The following CRYBB2 variants were observed in gnomAD, a reference collection of about 807,000 sequenced individuals.
CRYBB2 encodes crystallin beta B2.
Under a neutral mutation model 24.3 loss-of-function variants are expected in CRYBB2, and 12 were observed. The observed-to-expected ratio is 0.49, with a 90% CI of 0.32 to 0.80. The LOEUF (loss-of-function observed/expected upper bound fraction) is 0.80, where lower values mean the gene tolerates loss of function less well. CRYBB2 is among the 30% of genes least tolerant of loss of function. The pLI is 0.04. For missense variants in CRYBB2, 198 were observed against 268.5 expected (o/e 0.74, Z 1.83); for synonymous variants, 98 against 101.6 (o/e 0.96, Z 0.21).
chr22:25,218,735 GGGAGAGA>G (rs1569015956), upstream of CRYBB2, among the ~76,000 whole-genome samples: 167 of 41,470 alleles, frequency 4.0e-3, 16 homozygotes, highest in African/African-American at 0.013. Flanking sequence ...AGAGAGAGAG[GGGAGAGA>G]GAGAGAGAGA....
upstream of CRYBB2, among the ~76,000 whole-genome samples, chr22:25,218,007 C>A (rs1209310074): frequency 6.6e-6 from 1 of 152,014 alleles, no homozygotes; most frequent in Non-Finnish European, 1.5e-5. Flanking sequence ...CGCCTGTAAT[C>A]CCAGCACTTT....
chr22:25,218,930 C>T (rs1329128855), upstream of CRYBB2, among the ~76,000 whole-genome samples: 1 of 152,152 alleles, frequency 6.6e-6, no homozygotes, highest in Non-Finnish European at 1.5e-5. Flanking sequence ...GGCCCTGCAA[C>T]ATCAGGCCCT....
chr22:25,218,418 A>T (rs1408066069), upstream of CRYBB2, among the ~76,000 whole-genome samples: 1 of 151,878 alleles, frequency 6.6e-6, no homozygotes, highest in Admixed American at 6.6e-5. Context: ...GCACTTTAGG[A>T]GGCCAAGGTG....
At chr22:25,218,265 A>G (rs1300919003), upstream of CRYBB2, among the ~76,000 whole-genome samples, 12 of 151,336 alleles carry the variant, frequency 7.9e-5, no homozygotes, top group Non-Finnish European at 1.0e-4. Context: ...TCTCAAAAAA[A>G]AAAAAAATAG....
intron 3 of CRYBB2, among the ~76,000 whole-genome samples, chr22:25,227,611 T>C (rs1157563921): frequency 3.3e-5 from 5 of 150,228 alleles, no homozygotes; most frequent in African/African-American, 4.9e-5. Context: ...GGGCCGTTAT[T>C]TAGACTGCCT....
At chr22:25,218,828 A>AAG (rs1414447778), upstream of CRYBB2, among the ~76,000 whole-genome samples, 2 of 116,780 alleles carry the variant, frequency 1.7e-5, no homozygotes, top group African/African-American at 3.9e-5. Flanking sequence ...GAAAGAAAGA[A>AAG]AGAAAGAAAG....
intron 5 of CRYBB2, 53 bp downstream of exon 5, chr22:25,229,631 G>T: frequency 1.2e-6 from 2 of 1,603,120 alleles, no homozygotes; most frequent in African/African-American, 1.3e-5. Context: ...GAGACTCTGG[G>T]GTCCTAAGTC....
chr22:25,229,080 C>T (rs1935483622), intron 4 of CRYBB2, among the ~76,000 whole-genome samples: 1 of 145,714 alleles, frequency 6.9e-6, no homozygotes, highest in African/African-American at 2.6e-5. Flanking sequence ...TGCGTGTGCA[C>T]ACATGTGTGG....
intron 3 of CRYBB2, among the ~76,000 whole-genome samples, chr22:25,225,413 A>G (rs984603489): frequency 2.0e-5 from 3 of 152,062 alleles, no homozygotes; most frequent in African/African-American, 7.2e-5. Flanking sequence ...AGAACTGCCA[A>G]TCTCTGGCTC....
chr22:25,218,798 G>GAAAGAAAGA (rs1935258434), upstream of CRYBB2, among the ~76,000 whole-genome samples: 1 of 98,330 alleles, frequency 1.0e-5, no homozygotes, highest in Non-Finnish European at 2.0e-5. Context: ...AAGAAAGAAA[G>GAAAGAAAGA]AAAGAAAGAA....
At chr22:25,212,585 A>C (rs921416293) in exon 1 of CRYBB2, among the ~76,000 whole-genome samples, 3 of 152,140 alleles carry the variant, frequency 2.0e-5, no homozygotes, top group African/African-American at 4.8e-5. Context: ...TTTCCGTCGG[A>C]CATCTTTGAT....
At chr22:25,212,241 G>A (rs1935115265), upstream of CRYBB2, among the ~76,000 whole-genome samples, 2 of 152,242 alleles carry the variant, frequency 1.3e-5, no homozygotes, top group Admixed American at 1.3e-4. Flanking sequence ...GAGAGACTTT[G>A]CAGTTCCTCA....
rs761941547 is a variant in CRYBB2, at chr22:25,225,061, G to T, written c.173+25G>T. On this transcript the variant is annotated intron_variant, in intron 3 of 5. Transcript: ENST00000398215. The stretch of plus-strand genomic sequence containing the variant: ...CGTAAGTACCTGGGTGGCCTCTCCT[G>T]GTCAGGGACTTTGGGTGAGGTGATC... 2.0e-5 allele frequency: 25 copies of T among 1,257,602 alleles called. 1 individual carries two copies. The Admixed American group carries it at 3.7e-4, about 19-fold the overall frequency. The allele number at this position is 1,257,602 out of a possible 1,614,324, so 77.9% of individuals were successfully genotyped here. A position where few individuals can be genotyped will look rare whatever the true frequency, so the allele number is the denominator to read the frequency against.
rs545926442 is a variant in CRYBB2 at position 25,220,831 on chromosome 22, T to G, written c.-26-573T>G. Among the ~76,000 whole-genome samples the G allele has an allele frequency of 5.3e-5, 8 of 152,308 alleles. No homozygotes were observed. In the South Asian group the frequency reaches 1.7e-3, roughly 32 times the overall value. On this transcript the variant is annotated intron_variant, in intron 1 of 5. Coordinates refer to ENST00000398215, the MANE Select transcript of CRYBB2 (RefSeq NM_000496.3). ...TTTCTTCTCTTTCTTGTAATGTGGG[T>G]TCTGTATCAGATGATTTCACTAATG...
chr22:25,219,952 G>A (rs1025824132), intron 1 of CRYBB2, among the ~76,000 whole-genome samples: 3 of 151,980 alleles, frequency 2.0e-5, no homozygotes, highest in African/African-American at 7.3e-5. Flanking sequence ...TCCTTGTTTC[G>A]CCAGTCGCTG....
At chr22:25,221,987 G>A (rs557579495) in intron 2 of CRYBB2, among the ~76,000 whole-genome samples, 4 of 152,218 alleles carry the variant, frequency 2.6e-5, no homozygotes, top group African/African-American at 9.6e-5. Flanking sequence ...CCTGGGGTGC[G>A]CATCCACCTA....
chr22:25,217,541 T>G (rs1310634368), upstream of CRYBB2, among the ~76,000 whole-genome samples: 1 of 152,114 alleles, frequency 6.6e-6, no homozygotes, highest in Non-Finnish European at 1.5e-5. Context: ...GGTCTCGAGC[T>G]CCCAACCTCA....
At chr22:25,227,828 C>G in intron 3 of CRYBB2, 25 bp from the exon 4 acceptor site, 1 of 1,613,932 alleles carries the variant, frequency 6.2e-7, no homozygotes, top group Middle Eastern at 1.7e-4. Flanking sequence ...CTGACCTGCC[C>G]CCTTTCTCTC....
intron 1 of CRYBB2, among the ~76,000 whole-genome samples, chr22:25,220,941 A>G (rs1935309160): frequency 6.6e-6 from 1 of 152,190 alleles, no homozygotes; most frequent in African/African-American, 2.4e-5. Context: ...GAGAAGGAGC[A>G]GGGGAACAGG....
Sources: allele counts gnomAD v4.1 joint callset (sites outside exome capture counted in the v4.1 genomes callset), GRCh38; gene constraint gnomAD v4.1.1; transcripts MANE v1.5; gene names NCBI Gene and HGNC (gene_info 2026-07-23, HGNC 2026-07-21).